Variants in ITIH5 observed in about 807,000 individuals in gnomAD.
The protein encoded by ITIH5 is inter-alpha-trypsin inhibitor heavy chain H5.
A neutral mutation model predicts 77.5 loss-of-function variants in ITIH5; 65 were observed. The observed-to-expected ratio is 0.84, with a 90% confidence interval of 0.69 to 1.03. The LOEUF is 1.03. Ranked by LOEUF, ITIH5 falls within the 50% of genes least tolerant of loss-of-function variation. The pLI, the probability that ITIH5 is intolerant of heterozygous loss-of-function variation, is 0.00. For missense variants in ITIH5, 1,208 were observed against 1,213.1 expected, an observed-to-expected ratio of 1.00 and a Z score of 0.06; for synonymous variants, 525 against 494.3, an observed-to-expected ratio of 1.06 and a Z score of -0.82.
chr10:7,630,250 TGTAA>T (rs941315874), intron 5 of ITIH5, among the ~76,000 whole-genome samples: 10 of 152,254 alleles, frequency 6.6e-5, no homozygotes, highest in African/African-American at 2.2e-4. Flanking sequence ...ATAGGTGCTC[TGTAA>T]GTGTTTGTTG....
In ITIH5 at chr10:7,576,768, C is replaced by A. The variant is rs763886693; in HGVS notation, c.1663G>T (p.Asp555Tyr). 4.8e-5 allele frequency: 77 copies of A among 1,614,136 alleles called. No individual in the cohort carries two copies. The highest frequency in any genetic ancestry group is 4.2e-6 in the Non-Finnish European group (5 of 1,180,052). Residue 555 changes from aspartate (D) to tyrosine (Y), a missense_variant, in exon 10 of 14, where the codon GAT becomes TAT. Transcript: ENST00000397146. ...VPVRPQKAGK[D>Y]VTGSPRPGGD... ...CCAGGCCTGGGGCTTCCTGTGACAT[C>A]TTTCCCTGCCTTCTGAGGCCGCACA... is the stretch of plus-strand genomic sequence containing the variant.
At chr10:7,586,571 C>T (rs1294446216) in intron 7 of ITIH5, among the ~76,000 whole-genome samples, 1 of 152,156 alleles carries the variant, frequency 6.6e-6, no homozygotes, top group African/African-American at 2.4e-5. Flanking sequence ...TTCCCTTACT[C>T]GGTTGTGAGT....
chr10:7,586,616 G>C (rs11255209), intron 7 of ITIH5, among the ~76,000 whole-genome samples: 44,421 of 151,968 alleles, frequency 0.29, 6,858 homozygotes, highest in East Asian at 0.49. Context: ...CTTCCTAACA[G>C]CTAGTGACAA....
At chr10:7,641,863 C>T (rs12256425) in intron 3 of ITIH5, 64 bp downstream of exon 3, 106,957 of 1,409,230 alleles carry the variant, frequency 0.076, 5,531 homozygotes, top group African/African-American at 0.25. Context: ...GTGGACCTCA[C>T]ATCTCAGGCT....
At chr10:7,614,062 G>T (rs1833313692) in intron 7 of ITIH5, among the ~76,000 whole-genome samples, 1 of 152,192 alleles carries the variant, frequency 6.6e-6, no homozygotes, top group Non-Finnish European at 1.5e-5. Flanking sequence ...TTCGATGACT[G>T]CCAGTGTAGA....
chr10:7,610,523 G>T (rs1833223837), intron 7 of ITIH5, among the ~76,000 whole-genome samples: 1 of 152,222 alleles, frequency 6.6e-6, no homozygotes, highest in East Asian at 1.9e-4. Flanking sequence ...GGGGAGCCAA[G>T]AACATTGGGA....
Position 7,666,657 on chromosome 10 carries a change from G to A in ITIH5, c.90+146C>T. The A allele has an allele frequency of 5.1e-6, 3 of 592,152 alleles. No homozygotes were observed. The South Asian group carries it at 6.5e-5, about 13-fold the overall frequency. The allele number at this position is 592,152 out of a possible 1,614,324, so 36.7% of individuals were successfully genotyped here. A position where few individuals can be genotyped will look rare whatever the true frequency, so the allele number is the denominator to read the frequency against. On this transcript the variant is annotated intron_variant, in intron 1 of 13. Coordinates refer to ENST00000397146, the MANE Select transcript of ITIH5 (RefSeq NM_030569.7). ...CGCGGCTCACACAGAGGTGACGCAC[G>A]AGTGACCCACAGAGAGGGACCCCTG...
chr10:7,590,477 A>G lies in ITIH5; in HGVS notation c.940-4408T>C, dbSNP rs2130986151. On this transcript the variant is annotated intron_variant, in intron 7 of 13. Transcript: ENST00000397146. ...CTGGTGTGCCACACACCACTTCAGA[A>G]ACATCCCCGGCTGTGTGCGTGTGCA... Among the ~76,000 whole-genome samples, 6 of 152,358 alleles carry G rather than the reference A, an allele frequency of 3.9e-5. 1 individual carries two copies. In the Middle Eastern group the frequency reaches 0.01, roughly 259 times the overall value.
chr10:7,572,401 G>A (rs930158737), intron 11 of ITIH5: 4 of 1,362,972 alleles, frequency 2.9e-6, no homozygotes, highest in African/African-American at 1.5e-5. Flanking sequence ...GCCACGAACT[G>A]AAAAAAATGA....
intron 1 of ITIH5, among the ~76,000 whole-genome samples, chr10:7,659,657 A>C (rs1441590379): frequency 1.3e-5 from 2 of 152,166 alleles, no homozygotes; most frequent in Admixed American, 1.3e-4. Context: ...TTTGTAAAAT[A>C]GGTTTTCTGA....
intron 10 of ITIH5, among the ~76,000 whole-genome samples, chr10:7,574,144 T>G (rs1334824554): frequency 6.6e-6 from 1 of 152,220 alleles, no homozygotes; most frequent in Non-Finnish European, 1.5e-5. Context: ...GTACTGGTGC[T>G]TTGAATAAAT....
intron 2 of ITIH5, among the ~76,000 whole-genome samples, chr10:7,654,743 C>A (rs948422170): frequency 6.6e-6 from 1 of 152,190 alleles, no homozygotes; most frequent in African/African-American, 2.4e-5. Flanking sequence ...TGCTAGTATC[C>A]ATGAAATGGT....
chr10:7,609,488 C>T, intron 7 of ITIH5: 1 of 456,652 alleles, frequency 2.2e-6, no homozygotes, highest in Non-Finnish European at 4.4e-6. Flanking sequence ...AGGGAGAAAC[C>T]AATGTCCTAG....
intron 1 of ITIH5, 22 bp from the exon 2 acceptor site, chr10:7,655,697 T>C (rs1834171211): frequency 6.3e-7 from 1 of 1,594,580 alleles, no homozygotes; most frequent in Non-Finnish European, 8.6e-7. Flanking sequence ...AAGAGACTGT[T>C]AAAAAGGTGA....
At chr10:7,584,713 T>C (rs1259927065) in intron 8 of ITIH5, among the ~76,000 whole-genome samples, 2 of 152,150 alleles carry the variant, frequency 1.3e-5, no homozygotes, top group Non-Finnish European at 2.9e-5. Context: ...TCTACAAATA[T>C]CCATTGAGCA....
intron 7 of ITIH5, among the ~76,000 whole-genome samples, chr10:7,600,350 T>C (rs1205168265): frequency 6.6e-6 from 1 of 152,182 alleles, no homozygotes; most frequent in Non-Finnish European, 1.5e-5. Flanking sequence ...CCCTGAAACA[T>C]GCTTCTGTCT....
intron 5 of ITIH5, among the ~76,000 whole-genome samples, chr10:7,634,521 A>C (rs1833767766): frequency 6.6e-6 from 1 of 152,190 alleles, no homozygotes; most frequent in African/African-American, 2.4e-5. Flanking sequence ...AATTTCCTTA[A>C]AAACAAACAG....
At chr10:7,607,100 G>C (rs1188968072) in intron 7 of ITIH5, among the ~76,000 whole-genome samples, 1 of 152,212 alleles carries the variant, frequency 6.6e-6, no homozygotes, top group Non-Finnish European at 1.5e-5. Context: ...GCAACGTCTT[G>C]ACAAGGGCAG....
At position 7,566,029 on chromosome 10, in the gene ITIH5, C is replaced by T. The variant is rs1032068016; in HGVS notation, c.2527+1G>A. On this transcript the variant is annotated splice_donor_variant, in intron 13 of 13. Transcript: ENST00000397146. LOFTEE classifies it high-confidence loss of function. ...AGCGTGAGGAGAGCGCAGCTTCCTA[C>T]CCAGCAGTCCGTGGCAGTTGCTGGA... is the stretch of plus-strand genomic sequence containing the variant. 2 of 1,612,738 alleles carry T rather than the reference C, an allele frequency of 1.2e-6. No homozygotes were observed. The highest frequency in any genetic ancestry group is 1.7e-6 in the Non-Finnish European group (2 of 1,179,300).
Sources: gnomAD v4.1 joint callset for allele counts (sites outside exome capture counted in the v4.1 genomes callset) on GRCh38, gnomAD v4.1.1 for gene constraint, MANE v1.5 for transcripts, NCBI Gene and HGNC (gene_info 2026-07-23, HGNC 2026-07-21) for gene names.